TSPAN7: variants seen among roughly 807,000 people sequenced by gnomAD.
TSPAN7 encodes tetraspanin 7.
A neutral mutation model predicts 17.6 loss-of-function variants in TSPAN7; 1 was observed. The ratio of observed to expected loss-of-function variants is 0.06; its 90% confidence interval spans 0.02 to 0.27. The LOEUF is 0.27. Ranked by LOEUF, TSPAN7 falls within the 10% of genes least tolerant of loss-of-function variation. The pLI, the probability that TSPAN7 is intolerant of heterozygous loss-of-function variation, is 1.00. For missense variants in TSPAN7, 112 were observed against 201.7 expected, an observed-to-expected ratio of 0.56 and a Z score of 2.69; for synonymous variants, 78 against 79.0, an observed-to-expected ratio of 0.99 and a Z score of 0.07.
intron 1 of TSPAN7, among the ~76,000 whole-genome samples, chrX:38,656,550 G>A (rs1398698258): frequency 1.8e-5 from 2 of 111,380 alleles, no homozygotes; most frequent in African/African-American, 6.5e-5. Flanking sequence ...AAAGATAAAG[G>A]AGGTGGGGCA....
At chrX:38,588,510 G>A (rs1443787648) in intron 1 of TSPAN7, among the ~76,000 whole-genome samples, 1 of 111,810 alleles carries the variant, frequency 8.9e-6, no homozygotes, top group Admixed American at 9.5e-5. Flanking sequence ...GTGCTTGCTG[G>A]TTTTCTTCTC....
intron 1 of TSPAN7, among the ~76,000 whole-genome samples, chrX:38,602,131 T>C (rs925070395): frequency 1.8e-5 from 2 of 111,439 alleles, no homozygotes; most frequent in African/African-American, 6.5e-5. Context: ...TAAATGCTTT[T>C]AATATAATGA....
At chrX:38,675,557 G>A in intron 4 of TSPAN7, 148 bp from the exon 5 acceptor site, 1 of 623,041 alleles carries the variant, frequency 1.6e-6, no homozygotes, top group Non-Finnish European at 2.6e-6. Context: ...ATTGTTATTG[G>A]AGCTTCCATT....
chrX:38,674,684 G>T (rs1254552761), intron 4 of TSPAN7, among the ~76,000 whole-genome samples: 1 of 111,606 alleles, frequency 9.0e-6, no homozygotes, highest in Admixed American at 9.5e-5. Context: ...AGGCTGGGTG[G>T]AGAGCTCAGG....
Position 38,619,932 on chromosome X carries a change from T to C in TSPAN7, c.82-46189T>C, listed in dbSNP as rs778266934. 5.3e-5 allele frequency among the ~76,000 whole-genome samples: 6 copies of C among 112,439 alleles called. No homozygotes were observed. In the East Asian group the frequency reaches 1.1e-3, roughly 21 times the overall value. On this transcript the variant is annotated intron_variant, in intron 1 of 7. Transcript: ENST00000378482. The stretch of plus-strand genomic sequence containing the variant: ...TCAGATTTTCCTAATTTAAACATAA[T>C]GTATTTTCCCATTCTTTTCCCTAAG...
chrX:38,563,296 A>G (rs5963069), intron 1 of TSPAN7, among the ~76,000 whole-genome samples: 20,629 of 111,333 alleles, frequency 0.19, 2,273 homozygotes, highest in African/African-American at 0.41. Context: ...AGCTATGCAC[A>G]GATCATATCA....
At chrX:38,571,089 T>C (rs746171101) in intron 1 of TSPAN7, 2 of 111,958 alleles carry the variant, frequency 1.8e-5, no homozygotes, top group East Asian at 5.6e-4. Context: ...TTAAAATAGT[T>C]TAAACATCAC....
chrX:38,566,629 C>T (rs1004317778), intron 1 of TSPAN7, among the ~76,000 whole-genome samples: 1 of 111,560 alleles, frequency 9.0e-6, no homozygotes, highest in South Asian at 3.7e-4. Flanking sequence ...ACTTGCTTAT[C>T]CTAATGATAG....
intron 1 of TSPAN7, among the ~76,000 whole-genome samples, chrX:38,607,790 TG>T (rs749570843): frequency 1.5e-3 from 159 of 108,880 alleles, no homozygotes; most frequent in Non-Finnish European, 2.5e-3. Flanking sequence ...TTCCTGATTC[TG>T]CAGAAACCAA....
intron 1 of TSPAN7, among the ~76,000 whole-genome samples, chrX:38,565,647 A>G (rs1325499025): frequency 1.8e-5 from 2 of 112,559 alleles, no homozygotes; most frequent in African/African-American, 6.5e-5. Context: ...TAGATTTAGA[A>G]CTAGAAGGCA....
intron 1 of TSPAN7, among the ~76,000 whole-genome samples, chrX:38,635,198 G>T: frequency 9.0e-6 from 1 of 111,490 alleles, no homozygotes; most frequent in Non-Finnish European, 1.9e-5. Flanking sequence ...TTCCTTCCAT[G>T]AAAATAAATT....
chrX:38,647,128 T>G (rs1275570444), intron 1 of TSPAN7, among the ~76,000 whole-genome samples: 1 of 112,435 alleles, frequency 8.9e-6, no homozygotes, highest in East Asian at 2.8e-4. Flanking sequence ...AAAATTATGC[T>G]TACTACTCTT....
chrX:38,629,614 G>A lies in TSPAN7; in HGVS notation c.82-36507G>A, dbSNP rs60329986. On this transcript the variant is annotated intron_variant, in intron 1 of 7. Transcript: ENST00000378482. ...AGCACTCCTCTTAGGAAAAAGGGAC[G>A]GGAGGTGTGATGCTTAGGACCAAAT... is the stretch of plus-strand genomic sequence containing the variant. Among the ~76,000 whole-genome samples the A allele has an allele frequency of 2.4e-3, 271 of 111,553 alleles. 2 individuals are homozygous for A. The highest frequency in any genetic ancestry group is 4.8e-3 in the African/African-American group (147 of 30,716).
At chrX:38,667,836 C>G (rs1198800853) in intron 2 of TSPAN7, among the ~76,000 whole-genome samples, 2 of 111,885 alleles carry the variant, frequency 1.8e-5, no homozygotes, top group East Asian at 5.6e-4. Context: ...GTCCTCAACT[C>G]CAGATACATG....
intron 1 of TSPAN7, among the ~76,000 whole-genome samples, chrX:38,586,041 A>G (rs777769565): frequency 4.7e-4 from 53 of 112,781 alleles, no homozygotes; most frequent in Non-Finnish European, 8.8e-4. Context: ...TGAATACAGG[A>G]TCACTCATAG....
intron 1 of TSPAN7, among the ~76,000 whole-genome samples, chrX:38,622,352 T>C (rs2069492858): frequency 8.9e-6 from 1 of 111,891 alleles, no homozygotes; most frequent in African/African-American, 3.2e-5. Context: ...TTTAAGACAG[T>C]CTGGGCAACA....
At chrX:38,563,609 T>C (rs1321307328) in intron 1 of TSPAN7, among the ~76,000 whole-genome samples, 2 of 111,748 alleles carry the variant, frequency 1.8e-5, no homozygotes, top group East Asian at 5.6e-4. Context: ...ATGAGCACTT[T>C]AACTCTCCTT....
chrX:38,606,146 T>G (rs1397643227), intron 1 of TSPAN7, among the ~76,000 whole-genome samples: 1 of 107,580 alleles, frequency 9.3e-6, no homozygotes, highest in African/African-American at 3.4e-5. Flanking sequence ...GGGAGAAAAT[T>G]TTCACAACCT....
intron 2 of TSPAN7, among the ~76,000 whole-genome samples, chrX:38,669,949 T>C (rs1468415028): frequency 1.8e-5 from 2 of 112,217 alleles, no homozygotes; most frequent in Non-Finnish European, 3.8e-5. Context: ...CTGCTTTGAA[T>C]TGCATTTTGT....
Sources: allele counts gnomAD v4.1 joint callset (sites outside exome capture counted in the v4.1 genomes callset), GRCh38; gene constraint gnomAD v4.1.1; transcripts MANE v1.5; gene names NCBI Gene and HGNC (gene_info 2026-07-23, HGNC 2026-07-21).